The following DPP10 variants were observed in gnomAD, a reference collection of about 807,000 sequenced individuals.
DPP10 encodes the protein dipeptidyl peptidase like 10.
In DPP10, 33 loss-of-function variants were observed where a neutral mutation model predicts 120.9. That is an observed-to-expected ratio of 0.27 (90% CI 0.21 to 0.37). The LOEUF (loss-of-function observed/expected upper bound fraction) is 0.37. Ranked by LOEUF, DPP10 falls within the 10% of genes least tolerant of loss-of-function variation. The pLI is 1.00. For synonymous variants in DPP10, 337 were observed against 326.1 expected, an observed-to-expected ratio of 1.03 and a Z score of -0.36; for missense variants, 816 against 942.8, an observed-to-expected ratio of 0.87 and a Z score of 1.76.
chr2:114,796,342 A>T (rs1428071695), intron 1 of DPP10, among the ~76,000 whole-genome samples: 1 of 152,168 alleles, frequency 6.6e-6, no homozygotes, highest in Non-Finnish European at 1.5e-5. Flanking sequence ...CAGACAGACA[A>T]TTCATTTTGT....
intron 1 of DPP10, among the ~76,000 whole-genome samples, chr2:115,094,978 A>G (rs1709593192): frequency 6.6e-6 from 1 of 152,204 alleles, no homozygotes; most frequent in East Asian, 1.9e-4. Flanking sequence ...AGTGGGCTAC[A>G]GTTTGCCCTT....
intron 2 of DPP10, among the ~76,000 whole-genome samples, chr2:115,327,137 T>A (rs1232137465): frequency 3.3e-5 from 5 of 152,064 alleles, no homozygotes; most frequent in African/African-American, 1.2e-4. Flanking sequence ...TAGTTACCAT[T>A]ATGTTTCAAT....
intron 7 of DPP10, among the ~76,000 whole-genome samples, chr2:115,698,740 A>G (rs1452173655): frequency 5.9e-5 from 9 of 152,200 alleles, no homozygotes; most frequent in Admixed American, 2.0e-4. Flanking sequence ...TTTAGCCTCC[A>G]GCACTGTAAA....
intron 1 of DPP10, among the ~76,000 whole-genome samples, chr2:115,075,720 T>A (rs1486697842): frequency 6.6e-6 from 1 of 151,580 alleles, no homozygotes. Context: ...TTTTTTTTTT[T>A]AATGTTAGGC....
At chr2:115,597,004 G>T (rs2083029551) in intron 5 of DPP10, among the ~76,000 whole-genome samples, 1 of 152,140 alleles carries the variant, frequency 6.6e-6, no homozygotes, top group Non-Finnish European at 1.5e-5. Flanking sequence ...AATATGGGAA[G>T]AAAAGCATAC....
chr2:115,421,250 T>C (rs766259474), intron 3 of DPP10, among the ~76,000 whole-genome samples: 3 of 152,256 alleles, frequency 2.0e-5, no homozygotes, highest in South Asian at 2.1e-4. Flanking sequence ...AATATACAAA[T>C]ATATGAGTAA....
chr2:115,247,515 T>A (rs924304349), intron 1 of DPP10, among the ~76,000 whole-genome samples: 8 of 152,020 alleles, frequency 5.3e-5, no homozygotes, highest in Non-Finnish European at 7.4e-5. Context: ...GACTGCCCCA[T>A]GAAAGGAGCC....
intron 1 of DPP10, among the ~76,000 whole-genome samples, chr2:115,128,383 G>A (rs760411366): frequency 6.6e-6 from 1 of 152,224 alleles, no homozygotes; most frequent in African/African-American, 2.4e-5. Flanking sequence ...CTTAGACGCC[G>A]GAAGTGATCG....
At chr2:115,828,893 T>G (rs553439880) in intron 21 of DPP10, among the ~76,000 whole-genome samples, 1 of 152,310 alleles carries the variant, frequency 6.6e-6, no homozygotes, top group Non-Finnish European at 1.5e-5. Context: ...ATGCTTAGTT[T>G]ATTTTGACTT....
intron 1 of DPP10, among the ~76,000 whole-genome samples, chr2:115,053,898 A>G (rs933260789): frequency 2.0e-5 from 3 of 152,214 alleles, no homozygotes; most frequent in African/African-American, 7.2e-5. Flanking sequence ...AACTGTTTGC[A>G]ACTAGCTTAT....
At position 115,672,762 on chromosome 2, in the gene DPP10, A is replaced by T. The variant is rs558807989; in HGVS notation, c.442-16925A>T. On this transcript the variant is annotated intron_variant, in intron 5 of 25. Coordinates refer to ENST00000410059, the MANE Select transcript of DPP10 (RefSeq NM_020868.6). ...TCTCTCTCTCTTTCTTTCTCTTTTT[A>T]TTGAGACAAAGTCTCACTTTGTCAC... Among the ~76,000 whole-genome samples, 45 of 114,572 alleles carry T rather than the reference A, an allele frequency of 3.9e-4. 1 individual carries two copies. In the South Asian group the frequency reaches 0.011, roughly 29 times the overall value. 75.2% of individuals were successfully genotyped at this position (114,572 alleles called of 152,430 possible). A position where few individuals can be genotyped will look rare whatever the true frequency, so the allele number is the denominator to read the frequency against.
At chr2:115,292,403 T>G (rs2105931881) in intron 1 of DPP10, among the ~76,000 whole-genome samples, 1 of 152,256 alleles carries the variant, frequency 6.6e-6, no homozygotes, top group South Asian at 2.1e-4. Context: ...GAAAAACTAC[T>G]TTTGAAATAT....
chr2:114,495,274 A>C (rs1682414035), intron 1 of DPP10, among the ~76,000 whole-genome samples: 1 of 152,182 alleles, frequency 6.6e-6, no homozygotes, highest in African/African-American at 2.4e-5. Flanking sequence ...ATTTTGCTTC[A>C]AAGTCCATTA....
chr2:115,611,410 A>G (rs1188805263), intron 5 of DPP10, among the ~76,000 whole-genome samples: 2 of 152,192 alleles, frequency 1.3e-5, no homozygotes, highest in African/African-American at 2.4e-5. Context: ...GGCTTTGCCA[A>G]CATTTCTGTG....
At chr2:115,351,494 AT>A (rs1313677966) in intron 3 of DPP10, among the ~76,000 whole-genome samples, 1 of 152,050 alleles carries the variant, frequency 6.6e-6, no homozygotes, top group East Asian at 1.9e-4. Context: ...CTTGTAACAA[AT>A]CCACACATAT....
chr2:115,722,525 A>G (rs2092673279), intron 7 of DPP10, among the ~76,000 whole-genome samples: 1 of 152,004 alleles, frequency 6.6e-6, no homozygotes, highest in South Asian at 2.1e-4. Context: ...TGTATAGCCT[A>G]CTAGGAATAG....
chr2:115,390,532 A>G (rs9308712), intron 3 of DPP10, among the ~76,000 whole-genome samples: 31,448 of 151,904 alleles, frequency 0.21, 3,588 homozygotes, highest in East Asian at 0.35. Flanking sequence ...CTTGATGTAA[A>G]CAGGGATACT....
At position 115,568,031 on chromosome 2, in the gene DPP10, A is replaced by G. The variant is rs186551473; in HGVS notation, c.441+42059A>G. On this transcript the variant is annotated intron_variant, in intron 5 of 25. Transcript: ENST00000410059. ...TCTGTACAAAAAATACAAAAAAATT[A>G]GCCAGGCATAGTGGCGCAAGCCTGT... Among the ~76,000 whole-genome samples the G allele has an allele frequency of 1.5e-3, 233 of 152,266 alleles. 3 individuals carry two copies. The highest frequency in any genetic ancestry group is 5.1e-3 in the African/African-American group (210 of 41,560).
At chr2:115,320,510 G>A (rs2062006258) in intron 2 of DPP10, among the ~76,000 whole-genome samples, 2 of 150,162 alleles carry the variant, frequency 1.3e-5, no homozygotes, top group South Asian at 4.2e-4. Context: ...TTTTCTTATG[G>A]TTATGTTGGT....
Sources: gnomAD v4.1 joint callset for allele counts (sites outside exome capture counted in the v4.1 genomes callset) on GRCh38, gnomAD v4.1.1 for gene constraint, MANE v1.5 for transcripts, NCBI Gene and HGNC (gene_info 2026-07-23, HGNC 2026-07-21) for gene names.